Variants in DNER observed in about 807,000 individuals in gnomAD.
The protein encoded by DNER is delta/notch like EGF repeat containing.
Under a neutral mutation model 78.2 loss-of-function variants are expected in DNER, and 33 were observed. The observed-to-expected ratio is 0.42, with a 90% CI of 0.32 to 0.56. DNER has a LOEUF of 0.56. Ranked by LOEUF, DNER falls within the 20% of genes least tolerant of loss-of-function variation. The pLI is 0.11. For missense variants in DNER, 918 were observed against 975.3 expected (o/e 0.94, Z 0.78); for synonymous variants, 417 against 384.8 (o/e 1.08, Z -0.98).
In DNER at chr2:229,515,635, C is replaced by CTT. The variant is rs1409850665; in HGVS notation, c.994-2701_994-2700dup. ...CCCAAATCAAATATCTTCAAGTTAG[C>CTT]TTTATTTTTTTATTTTTTTTTTTTT... On this transcript the variant is annotated intron_variant, in intron 5 of 12. Coordinates refer to ENST00000341772, the MANE Select transcript of DNER (RefSeq NM_139072.4). 4.9e-4 allele frequency among the ~76,000 whole-genome samples: 60 copies of CTT among 123,294 alleles called. 3 individuals are homozygous for CTT. Among genetic ancestry groups the CTT allele is most frequent in the South Asian group, 9.5e-4 (3 of 3,160 alleles). The allele number at this position is 123,294 out of a possible 152,430, so 80.9% of individuals were successfully genotyped here.
At position 229,466,220 on chromosome 2, in the gene DNER, C is replaced by T. The variant is rs550181630; in HGVS notation, c.1261+10920G>A. Among the ~76,000 whole-genome samples the T allele has an allele frequency of 6.6e-5, 10 of 152,238 alleles. No individual in the cohort carries two copies. The South Asian group carries it at 2.1e-3, about 32-fold the overall frequency. On this transcript the variant is annotated intron_variant, in intron 7 of 12. Transcript: ENST00000341772. ...ACTTAGCCCACTGCTTAAAGGTCTA[C>T]CTGAGCCGACTCCTACTTCTCTCTC... is the stretch of plus-strand genomic sequence containing the variant.
intron 1 of DNER, among the ~76,000 whole-genome samples, chr2:229,601,847 T>C (rs1393488064): frequency 3.3e-5 from 5 of 152,192 alleles, no homozygotes; most frequent in African/African-American, 1.2e-4. Context: ...CTATAAGCCC[T>C]GCTCAGCTGC....
intron 5 of DNER, among the ~76,000 whole-genome samples, chr2:229,518,822 T>A (rs914230800): frequency 6.6e-6 from 1 of 152,238 alleles, no homozygotes; most frequent in Non-Finnish European, 1.5e-5. Flanking sequence ...GAACATTATA[T>A]ACCATATATC....
Position 229,585,871 on chromosome 2 carries a change from A to G in DNER, c.834T>C (p.Asn278=). 6.2e-7 allele frequency: 1 copy of G among 1,613,842 alleles called. No individual in the cohort carries two copies. The highest frequency in any genetic ancestry group is 8.5e-7 in the Non-Finnish European group (1 of 1,179,936). ...TTGGTAACTCACCAATAAAGTGATTATTCCCCAAGGCGAGCATCTCCTCCA... is the reference window on the plus strand; with the variant it reads ...TTGGTAACTCACCAATAAAGTGATTGTTCCCCAAGGCGAGCATCTCCTCCA... The part of the protein sequence containing the change: ...VLLEEMLALG[N]NHFIGFVNDS... Residue 278 remains asparagine (N), a synonymous_variant, in exon 4 of 13, where the codon AAT becomes AAC. Coordinates refer to ENST00000341772, the MANE Select transcript of DNER (RefSeq NM_139072.4).
At chr2:229,627,658 T>C (rs1241266645) in intron 1 of DNER, among the ~76,000 whole-genome samples, 1 of 152,216 alleles carries the variant, frequency 6.6e-6, no homozygotes, top group African/African-American at 2.4e-5. Flanking sequence ...CGAAGCCTTA[T>C]AGATGGCAAT....
chr2:229,502,615 G>C (rs1483732673), intron 6 of DNER, among the ~76,000 whole-genome samples: 2 of 152,130 alleles, frequency 1.3e-5, no homozygotes, highest in Admixed American at 6.5e-5. Context: ...AGATGAAAAT[G>C]CTCGGAGTGC....
intron 6 of DNER, among the ~76,000 whole-genome samples, chr2:229,494,458 A>G (rs1398691406): frequency 1.3e-5 from 2 of 152,232 alleles, no homozygotes; most frequent in African/African-American, 2.4e-5. Context: ...AGTCCCAAGC[A>G]AGTCTAAAAC....
intron 11 of DNER, among the ~76,000 whole-genome samples, chr2:229,384,213 G>A (rs921734052): frequency 6.6e-6 from 1 of 152,174 alleles, no homozygotes; most frequent in Non-Finnish European, 1.5e-5. Context: ...TGAAATCAAT[G>A]AGAACAAAGA....
chr2:229,362,372 T>TC (rs1009970566), intron 12 of DNER, among the ~76,000 whole-genome samples: 30 of 152,318 alleles, frequency 2.0e-4, no homozygotes, highest in Admixed American at 6.5e-4. Context: ...GCTGAACACT[T>TC]CGTTGCAACC....
intron 1 of DNER, among the ~76,000 whole-genome samples, chr2:229,696,158 C>T (rs1376779555): frequency 6.6e-6 from 1 of 152,192 alleles, no homozygotes; most frequent in Non-Finnish European, 1.5e-5. Context: ...TTTGGCTCAT[C>T]AAGCACAGGG....
intron 5 of DNER, among the ~76,000 whole-genome samples, chr2:229,545,845 T>C (rs531061068): frequency 2.0e-5 from 3 of 152,356 alleles, no homozygotes; most frequent in African/African-American, 7.2e-5. Context: ...TCTTCTCGGT[T>C]TCTTCTCTTA....
intron 6 of DNER, among the ~76,000 whole-genome samples, chr2:229,512,394 A>AAT (rs1559153499): frequency 6.6e-6 from 1 of 151,728 alleles, no homozygotes; most frequent in Non-Finnish European, 1.5e-5. Context: ...AAAAAAAAAA[A>AAT]AATTAATTAA....
At chr2:229,648,856 A>C (rs1698764329) in intron 1 of DNER, among the ~76,000 whole-genome samples, 1 of 152,252 alleles carries the variant, frequency 6.6e-6, no homozygotes, top group Non-Finnish European at 1.5e-5. Context: ...TTTGCCCCAG[A>C]ATAACTCATC....
At position 229,668,534 on chromosome 2, in the gene DNER, GTGTATATATATATATATATA is replaced by G. The variant is rs1427568727; in HGVS notation, c.276+45594_276+45613del. On this transcript the variant is annotated intron_variant, in intron 1 of 12. Coordinates refer to ENST00000341772, the MANE Select transcript of DNER (RefSeq NM_139072.4). ...GGTAAGTATGTGTGTGTGTGTGTGT[GTGTATATATATATATATATA>G]TATATATATATATATATATATATAT... Among the ~76,000 whole-genome samples, 7 of 4,964 alleles carry G rather than the reference GTGTATATATATATATATATA, an allele frequency of 1.4e-3. 1 individual carries two copies. Among genetic ancestry groups the G allele is most frequent in the Non-Finnish European group, 1.9e-3 (2 of 1,026 alleles). The allele number at this position is 4,964 out of a possible 152,430, so 3.3% of individuals were successfully genotyped here. A position where few individuals can be genotyped will look rare whatever the true frequency, so the allele number is the denominator to read the frequency against.
At chr2:229,444,056 C>T (rs539921301) in intron 8 of DNER, among the ~76,000 whole-genome samples, 10 of 152,290 alleles carry the variant, frequency 6.6e-5, no homozygotes, top group Middle Eastern at 3.4e-3. Flanking sequence ...GTTCATTCCA[C>T]GAACAGAATG....
intron 11 of DNER, among the ~76,000 whole-genome samples, chr2:229,387,519 GAAAGAAAGAA>G (rs1420344733): frequency 2.0e-5 from 2 of 100,856 alleles, no homozygotes; most frequent in African/African-American, 7.5e-5. Context: ...GAGAAAGAAA[GAAAGAAAGAA>G]AGAAAGAAAG....
At chr2:229,545,440 C>A (rs538318615) in intron 5 of DNER, among the ~76,000 whole-genome samples, 1 of 152,056 alleles carries the variant, frequency 6.6e-6, no homozygotes, top group African/African-American at 2.4e-5. Context: ...CTGGACACAG[C>A]GGCACATGCC....
intron 1 of DNER, among the ~76,000 whole-genome samples, chr2:229,690,480 C>T (rs1034955312): frequency 2.0e-5 from 3 of 152,190 alleles, no homozygotes; most frequent in African/African-American, 4.8e-5. Context: ...CCTTGCTATG[C>T]CCAATGCCAG....
intron 1 of DNER, chr2:229,701,975 G>A: frequency 5.4e-6 from 1 of 184,708 alleles, no homozygotes; most frequent in Admixed American, 5.3e-5. Context: ...AGCATGTTCG[G>A]GAAGAATGTG....
Sources: gnomAD v4.1 joint callset for allele counts (sites outside exome capture counted in the v4.1 genomes callset) on GRCh38, gnomAD v4.1.1 for gene constraint, MANE v1.5 for transcripts, NCBI Gene and HGNC (gene_info 2026-07-23, HGNC 2026-07-21) for gene names.